The following EDIL3 variants were observed in gnomAD, a reference collection of about 807,000 sequenced individuals.
The protein encoded by EDIL3 is EGF like and discoidin domains 3, also known as EGF-like repeat and discoidin I-like domain-containing protein 3.
A neutral mutation model predicts 67.4 loss-of-function variants in EDIL3; 37 were observed. The ratio of observed to expected loss-of-function variants is 0.55; its 90% confidence interval spans 0.42 to 0.72. The LOEUF is 0.72. EDIL3 is among the 30% of genes least tolerant of loss of function. The probability of loss-of-function intolerance (pLI) is 0.00; values close to 1 mark genes in which losing one functional copy is unlikely to be tolerated. For synonymous variants in EDIL3, 195 were observed against 196.3 expected (o/e 0.99, Z 0.05); for missense variants, 527 against 586.3 (o/e 0.90, Z 1.04).
chr5:84,086,970 TA>T (rs544035342), intron 6 of EDIL3, among the ~76,000 whole-genome samples: 56 of 151,356 alleles, frequency 3.7e-4, no homozygotes, highest in Non-Finnish European at 6.9e-4. Flanking sequence ...TACTCTCTGT[TA>T]AAAAAAAATT....
chr5:84,025,650 G>A (rs1331150002), intron 9 of EDIL3, among the ~76,000 whole-genome samples: 1 of 152,152 alleles, frequency 6.6e-6, no homozygotes, highest in Admixed American at 6.6e-5. Flanking sequence ...CCACTGCTCT[G>A]CTTCTAGTAC....
intron 9 of EDIL3, among the ~76,000 whole-genome samples, chr5:84,006,103 T>TAATAATAATAATAAC (rs550067507): frequency 0.026 from 3,823 of 149,116 alleles, 154 homozygotes; most frequent in African/African-American, 0.084. Flanking sequence ...ATAATAATAA[T>TAATAATAATAATAAC]AATAATAGTA....
chr5:84,044,060 A>G (rs1746178187), intron 9 of EDIL3, among the ~76,000 whole-genome samples: 1 of 151,546 alleles, frequency 6.6e-6, no homozygotes, highest in African/African-American at 2.4e-5. Context: ...CCTCTCCTTG[A>G]CCCCACCCCT....
chr5:84,350,418 T>G (rs915072864), intron 1 of EDIL3, among the ~76,000 whole-genome samples: 1 of 152,028 alleles, frequency 6.6e-6, no homozygotes, highest in African/African-American at 2.4e-5. Context: ...GGTATGCTGT[T>G]GAGATAAATG....
intron 3 of EDIL3, among the ~76,000 whole-genome samples, chr5:84,185,663 A>C (rs993060330): frequency 1.3e-5 from 2 of 152,114 alleles, no homozygotes; most frequent in African/African-American, 4.8e-5. Flanking sequence ...ATTAAGTTAG[A>C]TATTTTCTGG....
At chr5:84,083,217 G>T (rs1229830540) in intron 6 of EDIL3, among the ~76,000 whole-genome samples, 3 of 152,166 alleles carry the variant, frequency 2.0e-5, no homozygotes, top group Non-Finnish European at 4.4e-5. Context: ...GAAATTTGAA[G>T]TCAGTGTTTT....
intron 9 of EDIL3, among the ~76,000 whole-genome samples, chr5:84,050,170 C>T (rs1441265556): frequency 1.5e-5 from 2 of 135,470 alleles, no homozygotes; most frequent in African/African-American, 5.7e-5. Flanking sequence ...TGCACTCCAG[C>T]CTGGGCGACA....
intron 1 of EDIL3, among the ~76,000 whole-genome samples, chr5:84,368,050 G>A (rs1442509214): frequency 6.6e-6 from 1 of 152,130 alleles, no homozygotes; most frequent in Non-Finnish European, 1.5e-5. Flanking sequence ...AATTGCACTG[G>A]CAGAATTTGT....
chr5:84,151,264 T>TACACACACAC lies in EDIL3; in HGVS notation c.356-13920_356-13911dup, dbSNP rs201338208. ...AGAACTGCATACACACACACGCACA[T>TACACACACAC]ACACACACACACACACACACACACA... is the stretch of plus-strand genomic sequence containing the variant. On this transcript the variant is annotated intron_variant, in intron 4 of 10. Coordinates refer to ENST00000296591, the MANE Select transcript of EDIL3 (RefSeq NM_005711.5). Among the ~76,000 whole-genome samples the TACACACACAC allele has an allele frequency of 3.7e-3, 479 of 129,558 alleles. 1 individual carries two copies. Among genetic ancestry groups the TACACACACAC allele is most frequent in the African/African-American group, 0.013 (455 of 33,744 alleles). The allele number at this position is 129,558 out of a possible 152,430, so 85.0% of individuals were successfully genotyped here.
At chr5:84,072,384 GTAAAT>G (rs1333171916) in intron 6 of EDIL3, among the ~76,000 whole-genome samples, 2 of 151,384 alleles carry the variant, frequency 1.3e-5, no homozygotes, top group African/African-American at 4.9e-5. Flanking sequence ...TCATAAAAAA[GTAAAT>G]TAAATCTACA....
intron 1 of EDIL3, among the ~76,000 whole-genome samples, chr5:84,354,783 G>A (rs1196782700): frequency 6.6e-6 from 1 of 151,782 alleles, no homozygotes; most frequent in Non-Finnish European, 1.5e-5. Context: ...AATTCCATTT[G>A]ACATCTTACA....
chr5:83,974,638 A>C (rs1744849363), intron 9 of EDIL3, among the ~76,000 whole-genome samples: 1 of 152,054 alleles, frequency 6.6e-6, no homozygotes, highest in Non-Finnish European at 1.5e-5. Flanking sequence ...AGGGCTATCT[A>C]GTTCCTCAGC....
intron 3 of EDIL3, among the ~76,000 whole-genome samples, chr5:84,214,863 C>T (rs572222377): frequency 2.0e-5 from 3 of 152,080 alleles, no homozygotes; most frequent in Non-Finnish European, 2.9e-5. Context: ...GGACTACAGG[C>T]GCATGCTGCC....
chr5:83,982,726 T>C (rs1275929249), intron 9 of EDIL3, among the ~76,000 whole-genome samples: 2 of 152,206 alleles, frequency 1.3e-5, no homozygotes, highest in Non-Finnish European at 2.9e-5. Flanking sequence ...ATGATTTATC[T>C]ACTCATCCTC....
chr5:84,142,500 C>T (rs914651132), intron 4 of EDIL3, among the ~76,000 whole-genome samples: 1 of 151,980 alleles, frequency 6.6e-6, no homozygotes, highest in Admixed American at 6.6e-5. Context: ...ATCATTATCC[C>T]AGTTCATCCT....
intron 8 of EDIL3, 110 bp from the exon 9 acceptor site, chr5:84,060,594 T>A: frequency 8.4e-7 from 1 of 1,188,130 alleles, no homozygotes; most frequent in South Asian, 1.6e-5. Flanking sequence ...TATTCATTCC[T>A]CCAAAGAGAA....
rs150438906 is a variant in EDIL3, at chr5:84,060,327, G to C, written c.1110C>G (p.Gly370=). ...KQGKVNAWTS[G]HNDQSQWLQV... ...GTAACCATTGTGACTGGTCATTGTG[G>C]CCAGAGGTCCAGGCATTCACTTTGC... Residue 370 remains glycine, a synonymous_variant, in exon 9 of 11, where the codon GGC becomes GGG. Transcript: ENST00000296591. The C allele has an allele frequency of 2.5e-6, 4 of 1,613,726 alleles. No individual in the cohort carries two copies. The South Asian group carries it at 4.4e-5, about 18-fold the overall frequency.
intron 1 of EDIL3, among the ~76,000 whole-genome samples, chr5:84,339,527 T>C (rs1747056226): frequency 1.3e-5 from 2 of 152,168 alleles, no homozygotes; most frequent in South Asian, 4.1e-4. Context: ...TAAGGAAGTT[T>C]GTGTAAGGAT....
chr5:84,337,748 A>G (rs530604370), intron 1 of EDIL3, among the ~76,000 whole-genome samples: 1 of 152,276 alleles, frequency 6.6e-6, no homozygotes, highest in East Asian at 1.9e-4. Flanking sequence ...ATGAATCATA[A>G]TGAGAAAAGT....
Sources: allele counts gnomAD v4.1 joint callset (sites outside exome capture counted in the v4.1 genomes callset), GRCh38; gene constraint gnomAD v4.1.1; transcripts MANE v1.5; gene names NCBI Gene and HGNC (gene_info 2026-07-23, HGNC 2026-07-21).